PPFIA4: variants seen among roughly 807,000 people sequenced by gnomAD.
PPFIA4 encodes the protein PPFI scaffold protein A4.
A neutral mutation model predicts 145.7 loss-of-function variants in PPFIA4; 98 were observed. The ratio of observed to expected loss-of-function variants is 0.67; its 90% confidence interval spans 0.57 to 0.80. The LOEUF (loss-of-function observed/expected upper bound fraction) is 0.80, where lower values mean the gene tolerates loss of function less well. PPFIA4 is among the 30% of genes least tolerant of loss of function. The probability of loss-of-function intolerance (pLI) is 0.00; values close to 1 mark genes in which losing one functional copy is unlikely to be tolerated. For synonymous variants in PPFIA4, 628 were observed against 649.6 expected (o/e 0.97, Z 0.51); for missense variants, 1,457 against 1,632.7 (o/e 0.89, Z 1.85).
rs775276721 is a variant in PPFIA4 at position 203,045,813 on chromosome 1, C to T, written c.859-28C>T. 13 of 1,612,528 alleles carry T rather than the reference C, an allele frequency of 8.1e-6. No homozygotes were observed. The African/African-American group carries it at 1.6e-4, about 20-fold the overall frequency. On this transcript the variant is annotated intron_variant, in intron 7 of 29. Transcript: ENST00000295706. The stretch of plus-strand genomic sequence containing the variant: ...GATGGGGGCAAGGAAAGGCTGGTTA[C>T]CGTCCTTCTTGTCCCCTCTTCTCCC...
chr1:203,059,341 G>T (rs1413188840), intron 20 of PPFIA4, 70 bp downstream of exon 20: 53 of 1,313,638 alleles, frequency 4.0e-5, no homozygotes, highest in Non-Finnish European at 5.1e-5. Flanking sequence ...CCCCTGGGCT[G>T]CTGTGAAACT....
intron 1 of PPFIA4, among the ~76,000 whole-genome samples, chr1:203,030,469 A>G (rs1309418961): frequency 6.6e-6 from 1 of 152,160 alleles, no homozygotes; most frequent in Non-Finnish European, 1.5e-5. Flanking sequence ...TCTCATGGAC[A>G]TGGAGGCCTG....
At position 203,048,408 on chromosome 1, in the gene PPFIA4, G is replaced by A; in HGVS notation, c.1224+98G>A. The A allele has an allele frequency of 6.7e-7, 1 of 1,492,128 alleles. No homozygotes were observed. Among genetic ancestry groups the A allele is most frequent in the Non-Finnish European group, 9.2e-7 (1 of 1,092,590 alleles). The allele number at this position is 1,492,128 out of a possible 1,614,324, so 92.4% of individuals were successfully genotyped here. On this transcript the variant is annotated intron_variant, in intron 10 of 29. Transcript: ENST00000295706. The surrounding 1 kb of genome is among the most constrained non-coding windows in gnomAD (Gnocchi z 5.8). ...GGGCACGGAGGAAGGGCCTGGCCAG[G>A]GACACAGCCACAGAGAGTGGGAGGA...
Position 203,027,333 on chromosome 1 carries a change from A to G in PPFIA4, c.-400+704A>G, listed in dbSNP as rs186078808. Among the ~76,000 whole-genome samples, 107 of 152,314 alleles carry G rather than the reference A, an allele frequency of 7.0e-4. 1 individual carries two copies. The East Asian group carries it at 0.016, about 23-fold the overall frequency. The stretch of plus-strand genomic sequence containing the variant: ...ACGCAGTAGGGATGTTTTCCAGCGC[A>G]GATTTTGAGGTTTTGATGGTGGGTG... On this transcript the variant is annotated intron_variant, in intron 1 of 29. Coordinates refer to ENST00000295706, the MANE Select transcript of PPFIA4 (RefSeq NM_001304331.2).
chr1:203,052,699 GT>G (rs1660624949), intron 14 of PPFIA4, among the ~76,000 whole-genome samples: 1 of 152,280 alleles, frequency 6.6e-6, no homozygotes, highest in South Asian at 2.1e-4. Context: ...GGGGGCTTGG[GT>G]CATAGAGGAT....
At position 203,060,457 on chromosome 1, in the gene PPFIA4, C is replaced by G; in HGVS notation, c.2784+40C>G. The G allele has an allele frequency of 6.3e-7, 1 of 1,598,716 alleles. No individual in the cohort carries two copies. Among genetic ancestry groups the G allele is most frequent in the South Asian group, 1.1e-5 (1 of 90,828 alleles). ...CTTTGCCCAGGACATTTTCAGAGGT[C>G]CTGGAACATAGTTTGCAAGGTCTCC... is the stretch of plus-strand genomic sequence containing the variant. On this transcript the variant is annotated intron_variant, in intron 22 of 29. Coordinates refer to ENST00000295706, the MANE Select transcript of PPFIA4 (RefSeq NM_001304331.2). This position sits in a 1 kb window ranked among gnomAD's most constrained non-coding sequence, Gnocchi z 4.8.
chr1:203,057,054 T>C (rs1661019728), intron 19 of PPFIA4, 104 bp downstream of exon 19: 3 of 1,554,522 alleles, frequency 1.9e-6, no homozygotes, highest in Non-Finnish European at 2.6e-6. Context: ...AGGGACCAGT[T>C]GGGGGAAGCC....
rs138555238 is a variant in PPFIA4, at chr1:203,060,763, G to T, written c.2785-207G>T. Among the ~76,000 whole-genome samples the T allele has an allele frequency of 8.2e-4, 125 of 152,318 alleles. 2 individuals carry two copies. In the South Asian group the frequency reaches 0.014, roughly 17 times the overall value. On this transcript the variant is annotated intron_variant, in intron 22 of 29. Transcript: ENST00000295706. This position sits in a 1 kb window ranked among gnomAD's most constrained non-coding sequence, Gnocchi z 4.8. ...AGGGAAGAGGGCATTTGTGAATATT[G>T]TCTTGGTCCTCTAACACAAGAATGC... is the stretch of plus-strand genomic sequence containing the variant.
intron 7 of PPFIA4, 103 bp downstream of exon 7, chr1:203,045,662 C>T (rs1660027132): frequency 2.1e-6 from 3 of 1,451,306 alleles, no homozygotes; most frequent in African/African-American, 2.8e-5. Context: ...TGCCTCCTTG[C>T]CTGGCTCCAT....
At position 203,056,355 on chromosome 1, in the gene PPFIA4, CGGCTCCACTGTCTGTTCAGTCGCCAGTG is replaced by C; in HGVS notation, c.2107-19_2115del. The C allele has an allele frequency of 6.2e-7, 1 of 1,612,420 alleles. No individual in the cohort carries two copies. Among genetic ancestry groups the C allele is most frequent in the South Asian group, 1.1e-5 (1 of 90,802 alleles). ...CGAGATCTCTCCCTCTATCCCCTGA[CGGCTCCACTGTCTGTTCAGTCGCCAGTG>C]TCTCGGGAAGAGAACCGAGAGGATA... On this transcript the variant is annotated splice_acceptor_variant and splice_polypyrimidine_tract_variant and coding_sequence_variant and intron_variant, in exon 18 of 30. Transcript: ENST00000295706. LOFTEE classifies it high-confidence loss of function.
chr1:203,048,324 G>C lies in PPFIA4; in HGVS notation c.1224+14G>C. The C allele has an allele frequency of 6.2e-7, 1 of 1,610,498 alleles. No homozygotes were observed. Among genetic ancestry groups the C allele is most frequent in the Non-Finnish European group, 8.5e-7 (1 of 1,178,790 alleles). ...GAGCTGGCACGGGTGAGGGCACCAG[G>C]CCGGGCCCTCAGGCCCCCTCCTTCC... On this transcript the variant is annotated intron_variant, in intron 10 of 29. Transcript: ENST00000295706. The surrounding 1 kb of genome is among the most constrained non-coding windows in gnomAD (Gnocchi z 5.8).
Position 203,061,641 on chromosome 1 carries a change from G to C in PPFIA4, c.2848-11G>C. The C allele has an allele frequency of 6.4e-7, 1 of 1,562,320 alleles. No homozygotes were observed. The highest frequency in any genetic ancestry group is 8.7e-7 in the Non-Finnish European group (1 of 1,153,106). ...CTGTTTCCCCTAACACGCTGCACTC[G>C]TTCCTGCTAGGACAGTGAGGAGGGC... On this transcript the variant is annotated splice_polypyrimidine_tract_variant and intron_variant, in intron 23 of 29. Transcript: ENST00000295706.
rs767241944 is a variant in PPFIA4 at position 203,044,401 on chromosome 1, C to T, written c.524C>T (p.Ala175Val). ...DEKVRERLRA[A>V]LERVTTLEEQ... ...CAGGTGCGAGAGCGGCTCCGGGCAG[C>T]GCTGGAGCGAGTCACCACCTTGGAG... The change falls in exon 5 of 30, where the codon GCG becomes GTG. Residue 175 changes from alanine (A) to valine (V), a missense_variant. Ala to Val is a moderately conservative substitution (Grantham distance 64). Around this residue, in one of 3 missense-constraint regions of PPFIA4, gnomAD observed 463 missense variants for 459.8 expected, o/e 1.01. Transcript: ENST00000295706. The T allele has an allele frequency of 6.1e-5, 94 of 1,552,164 alleles. No homozygotes were observed. Among genetic ancestry groups the T allele is most frequent in the Admixed American group, 2.1e-4 (11 of 51,290 alleles).
chr1:203,049,773 G>A lies in PPFIA4; in HGVS notation c.1511+6G>A. The A allele has an allele frequency of 6.4e-7, 1 of 1,556,792 alleles. No homozygotes were observed. Among genetic ancestry groups the A allele is most frequent in the South Asian group, 1.2e-5 (1 of 82,002 alleles). On this transcript the variant is annotated splice_donor_region_variant and intron_variant, in intron 13 of 29. Coordinates refer to ENST00000295706, the MANE Select transcript of PPFIA4 (RefSeq NM_001304331.2). ...GTGGATGGCGTCCACTCCAGGTACT[G>A]CAGCGCCAGAGGCTGGGCATGCCAG...
intron 1 of PPFIA4, among the ~76,000 whole-genome samples, chr1:203,027,116 A>G (rs1658453919): frequency 6.6e-6 from 1 of 151,846 alleles, no homozygotes; most frequent in Admixed American, 6.5e-5. Flanking sequence ...CTAGCTCTCC[A>G]TTCCTCGAAC....
Position 203,075,520 on chromosome 1 carries a change from C to T in PPFIA4, c.3394-57C>T, listed in dbSNP as rs1662461904. ...AGCGACTGGCCCCCTCCAGGCAGGG[C>T]GTGAGGATGGCAATTCCAACAGGGC... is the stretch of plus-strand genomic sequence containing the variant. On this transcript the variant is annotated intron_variant, in intron 28 of 29. Transcript: ENST00000295706. The surrounding 1 kb of genome is among the most constrained non-coding windows in gnomAD (Gnocchi z 4.1). The T allele has an allele frequency of 1.5e-6, 2 of 1,326,938 alleles. No homozygotes were observed. The highest frequency in any genetic ancestry group is 1.9e-6 in the Non-Finnish European group (2 of 1,028,326). The allele number at this position is 1,326,938 out of a possible 1,614,324, so 82.2% of individuals were successfully genotyped here. A position where few individuals can be genotyped will look rare whatever the true frequency, so the allele number is the denominator to read the frequency against.
chr1:203,042,616 C>G (rs542309794), intron 2 of PPFIA4, among the ~76,000 whole-genome samples: 34 of 152,274 alleles, frequency 2.2e-4, no homozygotes, highest in African/African-American at 8.2e-4. Context: ...AAAGCTCTTT[C>G]TCTTCCCTGT....
chr1:203,056,515 A>G lies in PPFIA4; in HGVS notation c.2240+7A>G, dbSNP rs1054321181. ...GCCAGGAAGAAGGCAAGAGGTAAGT[A>G]GAGCAGACCCCACCTCCAGTCTCTC... is the stretch of plus-strand genomic sequence containing the variant. On this transcript the variant is annotated splice_region_variant and intron_variant, in intron 18 of 29. Transcript: ENST00000295706. 1 of 1,612,802 alleles carries G rather than the reference A, an allele frequency of 6.2e-7. No individual in the cohort carries two copies. The highest frequency in any genetic ancestry group is 1.3e-5 in the African/African-American group (1 of 75,054).
Position 203,076,728 on chromosome 1 carries a change from T to C in PPFIA4, c.*338T>C, listed in dbSNP as rs1394830147. 3.1e-5 allele frequency: 11 copies of C among 354,128 alleles called. No homozygotes were observed. The East Asian group carries it at 6.6e-4, about 21-fold the overall frequency. The allele number at this position is 354,128 out of a possible 1,614,324, so 21.9% of individuals were successfully genotyped here. A position where few individuals can be genotyped will look rare whatever the true frequency, so the allele number is the denominator to read the frequency against. On this transcript the variant is annotated 3_prime_UTR_variant, in exon 30 of 30. Coordinates refer to ENST00000295706, the MANE Select transcript of PPFIA4 (RefSeq NM_001304331.2). ...CTTCTGGACCCAGCCTGGTCTGCACTGCAACCTCCACCAGGACCAGGATCC... is the reference window on the plus strand; with the variant it reads ...CTTCTGGACCCAGCCTGGTCTGCACCGCAACCTCCACCAGGACCAGGATCC...
Sources: allele counts gnomAD v4.1 joint callset (sites outside exome capture counted in the v4.1 genomes callset), GRCh38; gene constraint gnomAD v4.1.1; regional missense constraint gnomAD v4.1.1; non-coding constraint Gnocchi (gnomAD v3.1); transcripts MANE v1.5; gene names NCBI Gene and HGNC (gene_info 2026-07-23, HGNC 2026-07-21).